JAKMIP1: variants seen among roughly 807,000 people sequenced by gnomAD.
JAKMIP1 encodes janus kinase and microtubule-interacting protein 1.
In JAKMIP1, 33 loss-of-function variants were observed where a neutral mutation model predicts 113.0. The observed-to-expected ratio is 0.29, with a 90% CI of 0.22 to 0.39. The LOEUF (loss-of-function observed/expected upper bound fraction) is 0.39, where lower values mean the gene tolerates loss of function less well. JAKMIP1 is among the 10% of genes least tolerant of loss of function. The probability of loss-of-function intolerance (pLI) is 1.00; values close to 1 mark genes in which losing one functional copy is unlikely to be tolerated. For synonymous variants in JAKMIP1, 480 were observed against 459.9 expected (o/e 1.04, Z -0.56); for missense variants, 813 against 1,080.5 (o/e 0.75, Z 3.47).
intron 16 of JAKMIP1, among the ~76,000 whole-genome samples, chr4:6,045,794 T>C (rs1264261057): frequency 6.6e-6 from 1 of 152,060 alleles, no homozygotes; most frequent in Non-Finnish European, 1.5e-5. Context: ...CACTTGAACC[T>C]GGGAGGTGGA....
At chr4:6,066,824 T>C (rs1718162143) in intron 8 of JAKMIP1, among the ~76,000 whole-genome samples, 1 of 152,154 alleles carries the variant, frequency 6.6e-6, no homozygotes, top group Non-Finnish European at 1.5e-5. Context: ...AGGCTACAAG[T>C]GGTCTGCGAG....
chr4:6,054,815 C>T (rs778743537), intron 12 of JAKMIP1: 14 of 456,644 alleles, frequency 3.1e-5, no homozygotes, highest in Non-Finnish European at 5.7e-5. Flanking sequence ...TAAAATAACG[C>T]ATGTACACGA....
intron 1 of JAKMIP1, among the ~76,000 whole-genome samples, chr4:6,151,946 T>A (rs1721616694): frequency 6.6e-6 from 1 of 152,228 alleles, no homozygotes; most frequent in South Asian, 2.1e-4. Context: ...CATTAGCTGC[T>A]GTTGTTATGA....
intron 1 of JAKMIP1, among the ~76,000 whole-genome samples, chr4:6,163,990 G>C (rs1723270334): frequency 6.6e-6 from 1 of 152,220 alleles, no homozygotes; most frequent in African/African-American, 2.4e-5. Flanking sequence ...TAACATAAAA[G>C]TGCAAAGTGA....
chr4:6,080,711 G>A lies in JAKMIP1; in HGVS notation c.1102-399C>T, dbSNP rs1474120822. On this transcript the variant is annotated intron_variant, in intron 6 of 20. Transcript: ENST00000409021. The surrounding 1 kb of genome is among the most constrained non-coding windows in gnomAD (Gnocchi z 6.0). ...GAGGCCTCCCCAGCCACGTGAAACT[G>A]TGAGTCCATTAAACCTCTTTTTCTT... is the stretch of plus-strand genomic sequence containing the variant. Among the ~76,000 whole-genome samples, 1 of 152,126 alleles carries A rather than the reference G, an allele frequency of 6.6e-6. No homozygotes were observed. Among genetic ancestry groups the A allele is most frequent in the African/African-American group, 2.4e-5 (1 of 41,414 alleles).
chr4:6,033,182 T>C (rs766246481), intron 19 of JAKMIP1, among the ~76,000 whole-genome samples: 12 of 152,194 alleles, frequency 7.9e-5, no homozygotes, highest in Admixed American at 3.9e-4. Flanking sequence ...AATGCCAATT[T>C]CAGCTGGGGC....
intron 12 of JAKMIP1, among the ~76,000 whole-genome samples, chr4:6,056,411 T>C (rs1015221727): frequency 6.6e-6 from 1 of 152,234 alleles, no homozygotes; most frequent in Admixed American, 6.5e-5. Context: ...TCCCCATTTC[T>C]GCAGAGTGGC....
intron 1 of JAKMIP1, among the ~76,000 whole-genome samples, chr4:6,144,797 G>T (rs995691302): frequency 6.6e-6 from 1 of 152,244 alleles, no homozygotes; most frequent in South Asian, 2.1e-4. Flanking sequence ...AAACATTAAC[G>T]CTTTCCCTTA....
chr4:6,064,981 A>G lies in JAKMIP1; in HGVS notation c.1330T>C (p.Phe444Leu). 6.2e-7 allele frequency: 1 copy of G among 1,614,102 alleles called. No individual in the cohort carries two copies. Among genetic ancestry groups the G allele is most frequent in the Non-Finnish European group, 8.5e-7 (1 of 1,180,030 alleles). Residue 444 changes from phenylalanine to leucine, a missense_variant, in exon 9 of 21, where the codon TTT becomes CTT. Transcript: ENST00000409021. The surrounding 1 kb of genome is among the most constrained non-coding windows in gnomAD (Gnocchi z 4.3). The stretch of plus-strand genomic sequence containing the variant: ...TCTGAGTCCACAGACTCCTCATCAA[A>G]TCCAAAAAATGTCTCCACAACATGC... ...KKHVVETFFG[F>L]DEESVDSETL...
rs549000925 is a variant in JAKMIP1 at position 6,140,584 on chromosome 4, G to T, written c.-147-27587C>A. Among the ~76,000 whole-genome samples, 2 of 152,124 alleles carry T rather than the reference G, an allele frequency of 1.3e-5. No homozygotes were observed. The highest frequency in any genetic ancestry group is 2.9e-5 in the Non-Finnish European group (2 of 68,026). On this transcript the variant is annotated intron_variant, in intron 1 of 20. Transcript: ENST00000409021. The surrounding 1 kb of genome is among the most constrained non-coding windows in gnomAD (Gnocchi z 9.4). ...CCGCTAGGTGACAGTGGTTCACAGC[G>T]TAAGGACCTCTGTCCCCACTGCTCC...
rs1269716896 is a variant in JAKMIP1 at position 6,187,008 on chromosome 4, T to G, written c.-148+13245A>C. ...CATGCCTGGCTAATTTTGTATTTTT[T>G]TTGTAGAGACAGAGTTTCATCATGT... On this transcript the variant is annotated intron_variant, in intron 1 of 20. Coordinates refer to ENST00000409021, the MANE Select transcript of JAKMIP1 (RefSeq NM_001099433.2). This position sits in a 1 kb window ranked among gnomAD's most constrained non-coding sequence, Gnocchi z 4.2. Among the ~76,000 whole-genome samples, 1 of 152,016 alleles carries G rather than the reference T, an allele frequency of 6.6e-6. No individual in the cohort carries two copies. The highest frequency in any genetic ancestry group is 1.5e-5 in the Non-Finnish European group (1 of 67,992).
chr4:6,033,298 C>G (rs1047234261), intron 19 of JAKMIP1, among the ~76,000 whole-genome samples: 2 of 152,132 alleles, frequency 1.3e-5, no homozygotes, highest in African/African-American at 4.8e-5. Context: ...ATGGTTGAAG[C>G]GGGTAGCTAG....
At position 6,079,277 on chromosome 4, in the gene JAKMIP1, T is replaced by C. The variant is rs192293325; in HGVS notation, c.1243-279A>G. Among the ~76,000 whole-genome samples the C allele has an allele frequency of 5.4e-3, 819 of 152,286 alleles. 3 individuals carry two copies. The highest frequency in any genetic ancestry group is 0.01 in the Middle Eastern group (3 of 294). The stretch of plus-strand genomic sequence containing the variant: ...AAGCAAAGATGGATGGATAGATAGA[T>C]GTATGCATAGATAAGTGGATGGAAG... On this transcript the variant is annotated intron_variant, in intron 7 of 20. Transcript: ENST00000409021.
At position 6,049,904 on chromosome 4, in the gene JAKMIP1, TGA is replaced by T; in HGVS notation, c.1909-34_1909-33del. On this transcript the variant is annotated intron_variant, in intron 14 of 20. Coordinates refer to ENST00000409021, the MANE Select transcript of JAKMIP1 (RefSeq NM_001099433.2). This position sits in a 1 kb window ranked among gnomAD's most constrained non-coding sequence, Gnocchi z 7.0. Reference sequence around the variant, plus strand: ...GAGATTTCCAACGTTCATTTTTGTGTGAGCTACAGAGACCAACCATACCAATT... The same window carrying T: ...GAGATTTCCAACGTTCATTTTTGTGTGCTACAGAGACCAACCATACCAATT... 6.5e-7 allele frequency: 1 copy of T among 1,542,588 alleles called. No individual in the cohort carries two copies. The highest frequency in any genetic ancestry group is 9.0e-7 in the Non-Finnish European group (1 of 1,116,284).
chr4:6,035,766 G>T, intron 19 of JAKMIP1, 138 bp downstream of exon 19: 2 of 723,336 alleles, frequency 2.8e-6, no homozygotes, highest in Non-Finnish European at 4.4e-6. Flanking sequence ...ATGAAATCTT[G>T]CTTCTTGGAA....
intron 1 of JAKMIP1, among the ~76,000 whole-genome samples, chr4:6,191,086 T>C (rs1332954127): frequency 2.0e-5 from 3 of 152,192 alleles, no homozygotes; most frequent in South Asian, 2.1e-4. Context: ...TCTTCAATCC[T>C]GGTGCAATTA....
intron 1 of JAKMIP1, among the ~76,000 whole-genome samples, chr4:6,131,376 A>AC (rs1165905660): frequency 6.6e-6 from 1 of 151,758 alleles, no homozygotes; most frequent in Admixed American, 6.6e-5. Flanking sequence ...CAAAAAAAAA[A>AC]AAAAACAAAA....
chr4:6,054,709 G>C lies in JAKMIP1; in HGVS notation c.1708-561C>G, dbSNP rs1475300146. On this transcript the variant is annotated intron_variant, in intron 12 of 20. Coordinates refer to ENST00000409021, the MANE Select transcript of JAKMIP1 (RefSeq NM_001099433.2). ...CCGCCTGCATCCCAGACCCAGCTGG[G>C]AGACGCTGGATCACTCAGCCCACTA... 8.8e-6 allele frequency: 4 copies of C among 456,444 alleles called. No individual in the cohort carries two copies. The East Asian group carries it at 2.8e-4, about 32-fold the overall frequency. 28.3% of individuals were successfully genotyped at this position (456,444 alleles called of 1,614,324 possible).
In JAKMIP1 at chr4:6,040,733, C is replaced by A. The variant is rs147648875; in HGVS notation, c.2098-17G>T. On this transcript the variant is annotated splice_polypyrimidine_tract_variant and intron_variant, in intron 17 of 20. Coordinates refer to ENST00000409021, the MANE Select transcript of JAKMIP1 (RefSeq NM_001099433.2). This position sits in a 1 kb window ranked among gnomAD's most constrained non-coding sequence, Gnocchi z 5.8. The stretch of plus-strand genomic sequence containing the variant: ...GAACAGGTCCTGAGAAAGAGGGAGG[C>A]GCCATCAGGGACCAGCGTCAGAACA... 1.2e-6 allele frequency: 2 copies of A among 1,605,362 alleles called. No individual in the cohort carries two copies. Among genetic ancestry groups the A allele is most frequent in the Admixed American group, 1.7e-5 (1 of 59,758 alleles).
Sources: gnomAD v4.1 joint callset for allele counts (sites outside exome capture counted in the v4.1 genomes callset) on GRCh38, gnomAD v4.1.1 for gene constraint, Gnocchi (gnomAD v3.1) non-coding constraint, MANE v1.5 for transcripts, NCBI Gene and HGNC (gene_info 2026-07-23, HGNC 2026-07-21) for gene names.